The following TANC1 variants were observed in gnomAD, a reference collection of about 807,000 sequenced individuals.
The protein encoded by TANC1 is protein TANC1.
Under a neutral mutation model 149.7 loss-of-function variants are expected in TANC1, and 77 were observed. That is an observed-to-expected ratio of 0.51 (90% CI 0.43 to 0.62). TANC1 has a LOEUF of 0.62. TANC1 is among the 20% of genes least tolerant of loss of function. The pLI, the probability that TANC1 is intolerant of heterozygous loss-of-function variation, is 0.00. For missense variants in TANC1, 1,985 were observed against 2,321.8 expected, an observed-to-expected ratio of 0.85 and a Z score of 2.98; for synonymous variants, 854 against 925.0, an observed-to-expected ratio of 0.92 and a Z score of 1.39.
intron 3 of TANC1, among the ~76,000 whole-genome samples, chr2:159,078,061 G>A (rs906609422): frequency 6.6e-6 from 1 of 152,084 alleles, no homozygotes; most frequent in Non-Finnish European, 1.5e-5. Context: ...ATATGTTTAT[G>A]GGCTATTTGA....
At chr2:159,028,717 G>A (rs1176687552) in intron 2 of TANC1, among the ~76,000 whole-genome samples, 40 of 152,000 alleles carry the variant, frequency 2.6e-4, no homozygotes, top group Non-Finnish European at 2.9e-5. Context: ...CAAGCTCCTG[G>A]CATTCACCAT....
At chr2:159,157,421 C>G (rs1451211307) in intron 7 of TANC1, among the ~76,000 whole-genome samples, 1 of 152,172 alleles carries the variant, frequency 6.6e-6, no homozygotes, top group African/African-American at 2.4e-5. Context: ...CAGGCTTTCC[C>G]TTACACACTT....
In TANC1 at chr2:159,002,852, A is replaced by G. The variant is rs572277705; in HGVS notation, c.-16+1663A>G. 2.6e-5 allele frequency among the ~76,000 whole-genome samples: 4 copies of G among 152,336 alleles called. No homozygotes were observed. The South Asian group carries it at 8.3e-4, about 32-fold the overall frequency. On this transcript the variant is annotated intron_variant, in intron 2 of 26. Transcript: ENST00000263635. ...GAGCGTGGTTCTGTGATTATATAAT[A>G]ATTTTGAATAAATAAAAAGATGTCT...
intron 4 of TANC1, among the ~76,000 whole-genome samples, chr2:159,130,295 T>G (rs3732285): frequency 6.6e-6 from 1 of 152,054 alleles, no homozygotes; most frequent in Non-Finnish European, 1.5e-5. Flanking sequence ...GGGGGATTAA[T>G]CTCATAACAC....
chr2:159,053,800 A>C (rs2041645285), intron 2 of TANC1, among the ~76,000 whole-genome samples: 1 of 152,116 alleles, frequency 6.6e-6, no homozygotes, highest in Non-Finnish European at 1.5e-5. Flanking sequence ...AATCCTCCAT[A>C]TTGGCATTGT....
chr2:159,074,328 T>G (rs2043436231), intron 3 of TANC1, among the ~76,000 whole-genome samples: 1 of 152,178 alleles, frequency 6.6e-6, no homozygotes, highest in African/African-American at 2.4e-5. Flanking sequence ...CTAGATTTGG[T>G]ACATGGTGAT....
intron 5 of TANC1, chr2:159,148,632 A>G (rs1213199053): frequency 6.6e-6 from 1 of 152,294 alleles, no homozygotes; most frequent in Admixed American, 6.5e-5. Flanking sequence ...CTACTGTGGG[A>G]TGTGCACAGG....
Position 159,170,635 on chromosome 2 carries a change from A to G in TANC1, c.1181A>G (p.Gln394Arg). The change falls in exon 10 of 27, where the codon CAG (glutamine) becomes CGG (arginine). Residue 394 changes from glutamine to arginine, a missense_variant. By Grantham distance (43) the Gln-to-Arg change is conservative (BLOSUM62 1). Coordinates refer to ENST00000263635, the MANE Select transcript of TANC1 (RefSeq NM_033394.3). ...GTGGGAAGGGATTGGCTCTTTCACC[A>G]GATAGAAGAAAACTTGAGGAACACA... ...VFVGRDWLFH[Q>R]IEENLRNTEL... 1 of 1,614,182 alleles carries G rather than the reference A, an allele frequency of 6.2e-7. No homozygotes were observed. The highest frequency in any genetic ancestry group is 8.5e-7 in the Non-Finnish European group (1 of 1,180,032).
chr2:159,196,130 C>A (rs949641383), intron 17 of TANC1, among the ~76,000 whole-genome samples: 1 of 152,218 alleles, frequency 6.6e-6, no homozygotes, highest in African/African-American at 2.4e-5. Context: ...TCCTTTCCTG[C>A]CCTTCCACAC....
At position 159,205,308 on chromosome 2, in the gene TANC1, C is replaced by T. The variant is rs571156749; in HGVS notation, c.3244+6255C>T. Among the ~76,000 whole-genome samples the T allele has an allele frequency of 7.2e-5, 11 of 152,238 alleles. No homozygotes were observed. The East Asian group carries it at 1.4e-3, about 19-fold the overall frequency. On this transcript the variant is annotated intron_variant, in intron 19 of 26. Transcript: ENST00000263635. The stretch of plus-strand genomic sequence containing the variant: ...AATTACTGTTGGTGTAAAAATGACC[C>T]GTTCTTCATTTGAATTTACCTTAGG...
Position 159,001,395 on chromosome 2 carries a change from G to A in TANC1, c.-16+206G>A, listed in dbSNP as rs1002090660. Among the ~76,000 whole-genome samples the A allele has an allele frequency of 1.3e-5, 2 of 152,214 alleles. No individual in the cohort carries two copies. The highest frequency in any genetic ancestry group is 2.9e-5 in the Non-Finnish European group (2 of 68,042). The stretch of plus-strand genomic sequence containing the variant: ...AGATAGGGGAGTTAGTGTTTAATGA[G>A]TACAGAGTTTCAGTTGGGGAAGACA... On this transcript the variant is annotated intron_variant, in intron 2 of 26. Coordinates refer to ENST00000263635, the MANE Select transcript of TANC1 (RefSeq NM_033394.3). This position sits in a 1 kb window ranked among gnomAD's most constrained non-coding sequence, Gnocchi z 4.3.
chr2:159,163,700 T>A (rs1159350616), intron 8 of TANC1, among the ~76,000 whole-genome samples, 154 bp downstream of exon 8: 1 of 152,206 alleles, frequency 6.6e-6, no homozygotes, highest in African/African-American at 2.4e-5. Context: ...TACTAATCTG[T>A]AAACACAATA....
At chr2:159,129,969 A>G (rs147924122) in intron 4 of TANC1, among the ~76,000 whole-genome samples, 7 of 152,232 alleles carry the variant, frequency 4.6e-5, no homozygotes, top group Admixed American at 1.3e-4. Context: ...CACACCTTGA[A>G]CATCAGAATC....
chr2:159,142,258 T>G (rs750240767), intron 5 of TANC1, among the ~76,000 whole-genome samples: 2 of 152,252 alleles, frequency 1.3e-5, no homozygotes, highest in Non-Finnish European at 2.9e-5. Context: ...GGGTTTGTGA[T>G]GTCAAAACTC....
chr2:159,115,892 G>A (rs898999125), intron 4 of TANC1, among the ~76,000 whole-genome samples: 3 of 152,138 alleles, frequency 2.0e-5, no homozygotes, highest in African/African-American at 7.2e-5. Flanking sequence ...GGGATTCCAA[G>A]TAATGCTGTT....
rs945816481 is a variant in TANC1 at position 159,120,295 on chromosome 2, C to A, written c.260-15899C>A. 9.9e-5 allele frequency among the ~76,000 whole-genome samples: 15 copies of A among 152,032 alleles called. 1 individual carries two copies. The highest frequency in any genetic ancestry group is 7.9e-4 in the Admixed American group (12 of 15,258). ...GAAATGAGATGGCAGTCCTTACCAG[C>A]AGGGTGGGCACTGTGGGATAGGGAG... is the stretch of plus-strand genomic sequence containing the variant. On this transcript the variant is annotated intron_variant, in intron 4 of 26. Transcript: ENST00000263635.
chr2:159,023,159 C>T (rs1286227383), intron 2 of TANC1, among the ~76,000 whole-genome samples: 1 of 152,020 alleles, frequency 6.6e-6, no homozygotes, highest in African/African-American at 2.4e-5. Flanking sequence ...ATTTCAGTAA[C>T]CCTACATTGC....
intron 3 of TANC1, among the ~76,000 whole-genome samples, chr2:159,069,475 C>T (rs2042955799): frequency 6.6e-6 from 1 of 152,116 alleles, no homozygotes; most frequent in Non-Finnish European, 1.5e-5. Flanking sequence ...AGGCCTACAA[C>T]CTTTACCACG....
At chr2:159,149,696 A>G in intron 6 of TANC1, 1 of 201,392 alleles carries the variant, frequency 5.0e-6, no homozygotes, top group South Asian at 9.4e-5. Flanking sequence ...GAGATGAGGC[A>G]GAGACAAAAT....
Sources: allele counts gnomAD v4.1 joint callset (sites outside exome capture counted in the v4.1 genomes callset), GRCh38; gene constraint gnomAD v4.1.1; non-coding constraint Gnocchi (gnomAD v3.1); transcripts MANE v1.5; gene names NCBI Gene and HGNC (gene_info 2026-07-23, HGNC 2026-07-21).